Variants in WDR70 observed in about 807,000 individuals in gnomAD.
WDR70 encodes the protein WD repeat-containing protein 70.
A neutral mutation model predicts 88.6 loss-of-function variants in WDR70; 53 were observed. That is an observed-to-expected ratio of 0.60 (90% CI 0.48 to 0.75). The LOEUF (loss-of-function observed/expected upper bound fraction) is 0.75. Ranked by LOEUF, WDR70 falls within the 30% of genes least tolerant of loss-of-function variation. WDR70 has a pLI of 0.00. For missense variants in WDR70, 610 were observed against 823.2 expected, an observed-to-expected ratio of 0.74 and a Z score of 3.17; for synonymous variants, 280 against 270.0, an observed-to-expected ratio of 1.04 and a Z score of -0.36.
chr5:37,435,466 T>G (rs554392630), intron 5 of WDR70, among the ~76,000 whole-genome samples: 1 of 152,350 alleles, frequency 6.6e-6, no homozygotes, highest in East Asian at 1.9e-4. Flanking sequence ...TTAAATTGTT[T>G]TGGAATTTGT....
rs1048371708 is a variant in WDR70, at chr5:37,728,376, A to C, written c.1877+1331A>C. Reference sequence around the variant, plus strand: ...AAAAAAAAAAAAACAAAAAAAAAAAACAAACTAAAACTATAGACCTTAGTT... The same window carrying C: ...AAAAAAAAAAAAACAAAAAAAAAAACCAAACTAAAACTATAGACCTTAGTT... On this transcript the variant is annotated intron_variant, in intron 17 of 17. Coordinates refer to ENST00000265107, the MANE Select transcript of WDR70 (RefSeq NM_018034.4). Among the ~76,000 whole-genome samples, 349 of 139,502 alleles carry C rather than the reference A, an allele frequency of 2.5e-3. 1 individual carries two copies. The highest frequency in any genetic ancestry group is 4.2e-3 in the Non-Finnish European group (262 of 63,100). 91.5% of individuals were successfully genotyped at this position (139,502 alleles called of 152,430 possible). A position where few individuals can be genotyped will look rare whatever the true frequency, so the allele number is the denominator to read the frequency against.
intron 9 of WDR70, 104 bp from the exon 10 acceptor site, chr5:37,604,960 G>T: frequency 2.1e-6 from 2 of 936,646 alleles, no homozygotes; most frequent in Admixed American, 3.4e-5. Flanking sequence ...TTAGATTTAT[G>T]TGCCAAAATG....
At chr5:37,698,365 T>A (rs1325127170) in intron 11 of WDR70, among the ~76,000 whole-genome samples, 3 of 152,146 alleles carry the variant, frequency 2.0e-5, no homozygotes, top group Non-Finnish European at 4.4e-5. Flanking sequence ...GGCAGCATTA[T>A]GGGAGAGTAT....
intron 8 of WDR70, among the ~76,000 whole-genome samples, chr5:37,484,318 T>C (rs10078172): frequency 0.97 from 148,300 of 152,338 alleles, 72,322 homozygotes; most frequent in East Asian, 1. Flanking sequence ...CTCGGGAGGC[T>C]GAGGCTGGCA....
At chr5:37,397,730 C>A (rs1749062237) in intron 5 of WDR70, among the ~76,000 whole-genome samples, 1 of 152,126 alleles carries the variant, frequency 6.6e-6, no homozygotes, top group South Asian at 2.1e-4. Flanking sequence ...CATAGTGGCT[C>A]ACATCTGTAA....
chr5:37,562,868 C>T (rs1046867238), intron 9 of WDR70, among the ~76,000 whole-genome samples: 1 of 151,900 alleles, frequency 6.6e-6, no homozygotes, highest in Non-Finnish European at 1.5e-5. Flanking sequence ...GACATGGCAA[C>T]CATTCGATTT....
At chr5:37,513,326 C>A (rs1740778676) in intron 8 of WDR70, among the ~76,000 whole-genome samples, 1 of 151,894 alleles carries the variant, frequency 6.6e-6, no homozygotes, top group South Asian at 2.1e-4. Flanking sequence ...TGAGAAGGAG[C>A]CAGTCATGAG....
intron 5 of WDR70, among the ~76,000 whole-genome samples, chr5:37,409,693 C>T (rs572223005): frequency 7.3e-5 from 11 of 151,646 alleles, no homozygotes; most frequent in Non-Finnish European, 1.2e-4. Context: ...TTAGTAGAGA[C>T]GGGTTTTCAC....
At chr5:37,492,202 A>AT (rs750992321) in intron 8 of WDR70, among the ~76,000 whole-genome samples, 14 of 152,386 alleles carry the variant, frequency 9.2e-5, no homozygotes, top group Admixed American at 5.2e-4. Flanking sequence ...TAAGTAAAAA[A>AT]TTATGAGTTC....
At position 37,727,016 on chromosome 5, in the gene WDR70, C is replaced by T. The variant is rs1300667104; in HGVS notation, c.1848C>T (p.Ser616=). ...ILRHAKAAED[S]PYWVSPAYSK... is the part of the protein sequence containing the mutation. Reference sequence around the variant, plus strand: ...GTCATGCCAAAGCAGCAGAAGACAGCCCATATTGGGTTTCTCCAGCATATT... The same window carrying T: ...GTCATGCCAAAGCAGCAGAAGACAGTCCATATTGGGTTTCTCCAGCATATT... The change falls in exon 17 of 18, where the codon AGC becomes AGT. Residue 616 remains serine (S), a synonymous_variant. Coordinates refer to ENST00000265107, the MANE Select transcript of WDR70 (RefSeq NM_018034.4). The T allele has an allele frequency of 1.9e-6, 3 of 1,609,618 alleles. No homozygotes were observed.
intron 7 of WDR70, among the ~76,000 whole-genome samples, chr5:37,461,172 A>G (rs1345477820): frequency 6.6e-6 from 1 of 151,842 alleles, no homozygotes; most frequent in Non-Finnish European, 1.5e-5. Flanking sequence ...AGAATATGAT[A>G]CAGAGATCAT....
chr5:37,649,683 A>G (rs1745337950), intron 10 of WDR70, among the ~76,000 whole-genome samples: 1 of 150,122 alleles, frequency 6.7e-6, no homozygotes, highest in South Asian at 2.1e-4. Flanking sequence ...GTACATATGT[A>G]AGCACTTTGT....
intron 17 of WDR70, among the ~76,000 whole-genome samples, chr5:37,750,636 A>G (rs1748777289): frequency 6.6e-6 from 1 of 152,032 alleles, no homozygotes; most frequent in Admixed American, 6.6e-5. Flanking sequence ...GTGGGAAGTA[A>G]TTTCCCATGC....
chr5:37,724,864 T>C (rs1747926108), intron 15 of WDR70, 70 bp from the exon 16 acceptor site: 1 of 1,321,602 alleles, frequency 7.6e-7, no homozygotes, highest in East Asian at 2.3e-5. Flanking sequence ...CAGTTAGTCA[T>C]GCTTTAACTA....
intron 9 of WDR70, among the ~76,000 whole-genome samples, chr5:37,535,638 G>T (rs1741642673): frequency 6.6e-6 from 1 of 152,136 alleles, no homozygotes; most frequent in African/African-American, 2.4e-5. Context: ...TTCACAGGTT[G>T]TTAACATTTT....
At chr5:37,483,688 C>T (rs185892151) in intron 8 of WDR70, among the ~76,000 whole-genome samples, 5,994 of 150,432 alleles carry the variant, frequency 0.04, 406 homozygotes, top group African/African-American at 0.14. Flanking sequence ...CAGGCAGAGG[C>T]GCCCCCCACC....
intron 9 of WDR70, among the ~76,000 whole-genome samples, chr5:37,575,528 A>G (rs568502151): frequency 6.6e-6 from 1 of 152,194 alleles, no homozygotes; most frequent in African/African-American, 2.4e-5. Flanking sequence ...ATAATTTATT[A>G]TGTCTGTGTG....
chr5:37,662,137 C>T (rs1029603291), intron 10 of WDR70, among the ~76,000 whole-genome samples: 1 of 152,108 alleles, frequency 6.6e-6, no homozygotes, highest in Non-Finnish European at 1.5e-5. Context: ...GCCATAATTT[C>T]CTCGGTTATA....
intron 5 of WDR70, among the ~76,000 whole-genome samples, chr5:37,421,140 C>A (rs1235774696): frequency 6.6e-6 from 1 of 152,194 alleles, no homozygotes; most frequent in Non-Finnish European, 1.5e-5. Flanking sequence ...TCTAAGGCCA[C>A]GCAGTGGTAA....
Sources: gnomAD v4.1 joint callset for allele counts (sites outside exome capture counted in the v4.1 genomes callset) on GRCh38, gnomAD v4.1.1 for gene constraint, MANE v1.5 for transcripts, NCBI Gene and HGNC (gene_info 2026-07-23, HGNC 2026-07-21) for gene names.